The following MMP20 variants were observed in gnomAD, a reference collection of about 807,000 sequenced individuals.
The protein encoded by MMP20 is matrix metalloproteinase-20.
A neutral mutation model predicts 51.8 loss-of-function variants in MMP20; 50 were observed. The observed-to-expected ratio is 0.97, with a 90% confidence interval of 0.77 to 1.22. MMP20 has a LOEUF of 1.22. Among genes scored for constraint, MMP20 ranks in the 50% most tolerant of loss-of-function variants. MMP20 has a pLI of 0.00. For synonymous variants in MMP20, 244 were observed against 216.2 expected (o/e 1.13, Z -1.13); for missense variants, 663 against 601.4 (o/e 1.10, Z -1.07).
intron 9 of MMP20, among the ~76,000 whole-genome samples, chr11:102,578,172 A>G (rs1467328084): frequency 6.7e-6 from 1 of 150,300 alleles, no homozygotes; most frequent in African/African-American, 2.4e-5. Flanking sequence ...GAGACAGGGT[A>G]TCACTCTGTT....
At chr11:102,589,508 C>G (rs2135931622) in intron 8 of MMP20, among the ~76,000 whole-genome samples, 1 of 152,274 alleles carries the variant, frequency 6.6e-6, no homozygotes, top group Admixed American at 6.5e-5. Flanking sequence ...GAGCTGAATG[C>G]TTATTATGTG....
chr11:102,594,277 A>C (rs1859353027), intron 7 of MMP20, among the ~76,000 whole-genome samples: 1 of 152,170 alleles, frequency 6.6e-6, no homozygotes, highest in Non-Finnish European at 1.5e-5. Flanking sequence ...TGAGTTCCAC[A>C]CTGGCTTTTA....
chr11:102,586,800 G>C (rs1225305474), intron 8 of MMP20, among the ~76,000 whole-genome samples: 3 of 151,886 alleles, frequency 2.0e-5, no homozygotes, highest in Non-Finnish European at 4.4e-5. Flanking sequence ...CTGGGGGACA[G>C]AGCAAGACTC....
At chr11:102,592,105 G>A (rs1220462423) in intron 8 of MMP20, among the ~76,000 whole-genome samples, 1 of 152,126 alleles carries the variant, frequency 6.6e-6, no homozygotes, top group Non-Finnish European at 1.5e-5. Context: ...ATTCACCAGG[G>A]GAATTGGATT....
At chr11:102,592,836 G>A (rs530749867) in intron 8 of MMP20, among the ~76,000 whole-genome samples, 2 of 152,314 alleles carry the variant, frequency 1.3e-5, no homozygotes, top group East Asian at 3.9e-4. Context: ...CTAAGATAAG[G>A]TGTGACCCTA....
At chr11:102,606,463 A>G (rs1591618014) in intron 6 of MMP20, 72 bp downstream of exon 6, 1 of 1,590,646 alleles carries the variant, frequency 6.3e-7, no homozygotes. Flanking sequence ...AGCAACAAGG[A>G]CCTGTGGGAC....
intron 1 of MMP20, among the ~76,000 whole-genome samples, chr11:102,619,286 T>C (rs890964208): frequency 1.3e-5 from 2 of 152,208 alleles, no homozygotes; most frequent in African/African-American, 2.4e-5. Context: ...TCTGAGATCA[T>C]TGATTTCAAA....
intron 8 of MMP20, among the ~76,000 whole-genome samples, chr11:102,592,330 C>T (rs1859327394): frequency 6.6e-6 from 1 of 152,174 alleles, no homozygotes; most frequent in South Asian, 2.1e-4. Flanking sequence ...CACCGCATGA[C>T]ACTGAGCAAT....
intron 1 of MMP20, among the ~76,000 whole-genome samples, chr11:102,622,323 C>T (rs953524491): frequency 6.6e-6 from 1 of 152,152 alleles, no homozygotes; most frequent in East Asian, 1.9e-4. Flanking sequence ...CTTAGCGTGA[C>T]CCAGGCCACC....
chr11:102,596,397 G>A (rs146748105), intron 6 of MMP20, among the ~76,000 whole-genome samples: 1 of 152,292 alleles, frequency 6.6e-6, no homozygotes, highest in Admixed American at 6.5e-5. Context: ...CCAAGCCTCA[G>A]TTTAATCAGC....
At chr11:102,624,613 T>G (rs935468131) in intron 1 of MMP20, among the ~76,000 whole-genome samples, 1 of 152,180 alleles carries the variant, frequency 6.6e-6, no homozygotes. Flanking sequence ...AACTTTGTTA[T>G]GTACTTTGTA....
chr11:102,589,887 C>T (rs1262862987), intron 8 of MMP20, among the ~76,000 whole-genome samples: 2 of 151,834 alleles, frequency 1.3e-5, no homozygotes, highest in African/African-American at 4.8e-5. Context: ...CTATAAAATC[C>T]TCAAATAAAA....
chr11:102,598,250 T>C (rs1461360708), intron 6 of MMP20, among the ~76,000 whole-genome samples: 1 of 152,214 alleles, frequency 6.6e-6, no homozygotes, highest in East Asian at 1.9e-4. Context: ...AACTTCCTTA[T>C]ACATCTGTGA....
chr11:102,608,838 T>C (rs185325304), intron 5 of MMP20, 99 bp downstream of exon 5: 3 of 1,275,464 alleles, frequency 2.4e-6, no homozygotes, highest in Non-Finnish European at 3.4e-6. Context: ...GGTTTCTAGA[T>C]TGATCTTTAC....
intron 2 of MMP20, among the ~76,000 whole-genome samples, chr11:102,615,419 A>G (rs1019146748): frequency 6.6e-6 from 1 of 152,064 alleles, no homozygotes; most frequent in Admixed American, 6.6e-5. Flanking sequence ...TGGCTGCAAA[A>G]TTCCTGACAT....
chr11:102,605,962 G>A (rs1859509453), intron 6 of MMP20, among the ~76,000 whole-genome samples: 1 of 152,188 alleles, frequency 6.6e-6, no homozygotes, highest in Admixed American at 6.5e-5. Context: ...CACTGAAAAG[G>A]AGCAGTTTCG....
At chr11:102,582,228 G>T (rs996043897) in intron 8 of MMP20, among the ~76,000 whole-genome samples, 1 of 152,144 alleles carries the variant, frequency 6.6e-6, no homozygotes, top group East Asian at 1.9e-4. Context: ...GATTTGTTAG[G>T]TATTTTTGGT....
At chr11:102,578,726 C>T (rs1353990815) in intron 9 of MMP20, among the ~76,000 whole-genome samples, 2 of 148,784 alleles carry the variant, frequency 1.3e-5, no homozygotes, top group African/African-American at 2.5e-5. Flanking sequence ...CAGAGCGAGA[C>T]TCCGTCTCAA....
intron 2 of MMP20, among the ~76,000 whole-genome samples, chr11:102,613,762 G>A (rs1859632052): frequency 6.6e-6 from 1 of 152,190 alleles, no homozygotes; most frequent in African/African-American, 2.4e-5. Flanking sequence ...GAGAGCTATA[G>A]AATTGAAGGG....
Sources: gnomAD v4.1 joint callset for allele counts (sites outside exome capture counted in the v4.1 genomes callset) on GRCh38, gnomAD v4.1.1 for gene constraint, MANE v1.5 for transcripts, NCBI Gene and HGNC (gene_info 2026-07-23, HGNC 2026-07-21) for gene names.